The following LRRTM4 variants were observed in gnomAD, a reference collection of about 807,000 sequenced individuals.
LRRTM4 encodes leucine rich repeat transmembrane neuronal 4, also known as leucine-rich repeat transmembrane neuronal protein 4.
A neutral mutation model predicts 47.6 loss-of-function variants in LRRTM4; 25 were observed. That is an observed-to-expected ratio of 0.53 (90% confidence interval 0.38 to 0.73). The LOEUF (loss-of-function observed/expected upper bound fraction) is 0.73, where lower values mean the gene tolerates loss of function less well. Ranked by LOEUF, LRRTM4 falls within the 30% of genes least tolerant of loss-of-function variation. LRRTM4 has a pLI of 0.00. For synonymous variants in LRRTM4, 311 were observed against 269.5 expected, an observed-to-expected ratio of 1.15 and a Z score of -1.51; for missense variants, 638 against 713.4, an observed-to-expected ratio of 0.89 and a Z score of 1.20.
At chr2:77,245,055 AAACCACTAATT>A (rs1675394205) in intron 3 of LRRTM4, among the ~76,000 whole-genome samples, 1 of 152,176 alleles carries the variant, frequency 6.6e-6, no homozygotes, top group Non-Finnish European at 1.5e-5. Flanking sequence ...ATGGTTTTAT[AAACCACTAATT>A]TCTGGATTGT....
intron 3 of LRRTM4, among the ~76,000 whole-genome samples, chr2:76,827,837 C>A (rs1573176669): frequency 6.6e-6 from 1 of 151,796 alleles, no homozygotes; most frequent in African/African-American, 2.4e-5. Flanking sequence ...TTCTAGGGAA[C>A]TAGATGGTTA....
At chr2:76,948,101 C>A (rs748307513) in intron 3 of LRRTM4, among the ~76,000 whole-genome samples, 1 of 151,826 alleles carries the variant, frequency 6.6e-6, no homozygotes, top group Non-Finnish European at 1.5e-5. Context: ...CAAATAGTAT[C>A]GTATCTACGA....
intron 3 of LRRTM4, among the ~76,000 whole-genome samples, chr2:76,981,637 G>A (rs565401024): frequency 1.3e-5 from 2 of 151,968 alleles, no homozygotes; most frequent in Admixed American, 1.3e-4. Context: ...GAACTACAGG[G>A]GCATGCCACC....
At chr2:77,028,393 C>A (rs994573865) in intron 3 of LRRTM4, among the ~76,000 whole-genome samples, 6 of 152,248 alleles carry the variant, frequency 3.9e-5, no homozygotes, top group Middle Eastern at 3.4e-3. Flanking sequence ...TTGAGATGAA[C>A]TTTCTAACCT....
At chr2:76,983,024 TAA>T (rs903098438) in intron 3 of LRRTM4, among the ~76,000 whole-genome samples, 10 of 151,698 alleles carry the variant, frequency 6.6e-5, no homozygotes, top group African/African-American at 2.2e-4. Flanking sequence ...TCAAATTAAA[TAA>T]AGACACATAT....
chr2:77,471,002 T>A (rs1396163230), intron 3 of LRRTM4, among the ~76,000 whole-genome samples: 2 of 152,130 alleles, frequency 1.3e-5, no homozygotes, highest in Non-Finnish European at 2.9e-5. Context: ...GTCTTGGTTT[T>A]AAACATCCTC....
At chr2:76,808,826 T>TC (rs1670640746) in intron 3 of LRRTM4, among the ~76,000 whole-genome samples, 1 of 151,920 alleles carries the variant, frequency 6.6e-6, no homozygotes, top group African/African-American at 2.4e-5. Context: ...TGCTGAACTT[T>TC]TTTTTTCAGT....
intron 3 of LRRTM4, among the ~76,000 whole-genome samples, chr2:76,907,284 T>A (rs1365133638): frequency 8.6e-3 from 1 of 116 alleles, no homozygotes; most frequent in African/African-American, 0.029. Context: ...AAAGATGTTC[T>A]TTGAAACCAC....
intron 3 of LRRTM4, among the ~76,000 whole-genome samples, chr2:76,983,832 C>T (rs950258437): frequency 7.2e-5 from 11 of 151,944 alleles, no homozygotes; most frequent in African/African-American, 2.7e-4. Flanking sequence ...AATTCATTTG[C>T]CTTCACAATG....
chr2:76,857,356 C>T lies in LRRTM4; in HGVS notation c.1552-108440G>A, dbSNP rs562647615. Among the ~76,000 whole-genome samples, 6 of 148,028 alleles carry T rather than the reference C, an allele frequency of 4.1e-5. No individual in the cohort carries two copies. In the East Asian group the frequency reaches 5.9e-4, roughly 15 times the overall value. On this transcript the variant is annotated intron_variant, in intron 3 of 3. Transcript: ENST00000409884. ...CATATATATTTATTCCTTAGCAATA[C>T]ATGGCTTGTTTTGATATTCATATTT... is the stretch of plus-strand genomic sequence containing the variant.
chr2:76,934,718 T>G (rs539299319), intron 3 of LRRTM4, among the ~76,000 whole-genome samples: 1 of 152,162 alleles, frequency 6.6e-6, no homozygotes, highest in Non-Finnish European at 1.5e-5. Flanking sequence ...TCACCACTAC[T>G]CCCATTGGAA....
chr2:77,295,528 A>T (rs1347308186), intron 3 of LRRTM4, among the ~76,000 whole-genome samples: 1 of 152,164 alleles, frequency 6.6e-6, no homozygotes, highest in Non-Finnish European at 1.5e-5. Context: ...CCATCATTGC[A>T]TTAGTTTGCT....
At chr2:77,123,533 G>A (rs1421296233) in intron 3 of LRRTM4, among the ~76,000 whole-genome samples, 1 of 151,990 alleles carries the variant, frequency 6.6e-6, no homozygotes. Context: ...AAATAGCAAA[G>A]ATTCATAAAA....
At chr2:77,515,906 A>G (rs964551525) in intron 3 of LRRTM4, among the ~76,000 whole-genome samples, 2 of 151,846 alleles carry the variant, frequency 1.3e-5, no homozygotes, top group African/African-American at 4.8e-5. Context: ...CTCACCATTT[A>G]TATCTACCTA....
intron 3 of LRRTM4, among the ~76,000 whole-genome samples, chr2:77,280,757 A>T (rs984178784): frequency 1.3e-5 from 2 of 152,070 alleles, no homozygotes; most frequent in African/African-American, 4.8e-5. Flanking sequence ...CATGTAAAGC[A>T]TATGGCAGTG....
chr2:77,082,194 A>T (rs1437357319), intron 3 of LRRTM4, among the ~76,000 whole-genome samples: 1 of 152,056 alleles, frequency 6.6e-6, no homozygotes, highest in African/African-American at 2.4e-5. Flanking sequence ...TTCATGTAAA[A>T]TTCCAGGAGT....
rs71381264 is a variant in LRRTM4, at chr2:77,142,430, T to TACACAC, written c.1551+375882_1551+375887dup. ...GCTGCTGCTTGTTACCACACACACA[T>TACACAC]ACACACACACACACACACACACACA... On this transcript the variant is annotated intron_variant, in intron 3 of 3. Transcript: ENST00000409884. Among the ~76,000 whole-genome samples, 6 of 145,368 alleles carry TACACAC rather than the reference T, an allele frequency of 4.1e-5. No individual in the cohort carries two copies. The South Asian group carries it at 6.5e-4, about 16-fold the overall frequency.
At position 76,807,473 on chromosome 2, in the gene LRRTM4, T is replaced by TATAC. The variant is rs1558667698; in HGVS notation, c.1552-58558_1552-58557insGTAT. 1.9e-4 allele frequency among the ~76,000 whole-genome samples: 20 copies of TATAC among 106,620 alleles called. 1 individual carries two copies. The East Asian group carries it at 3.1e-3, about 16-fold the overall frequency. The allele number at this position is 106,620 out of a possible 152,430, so 69.9% of individuals were successfully genotyped here. On this transcript the variant is annotated intron_variant, in intron 3 of 3. Coordinates refer to ENST00000409884, the MANE Select transcript of LRRTM4 (RefSeq NM_001134745.3). ...ATATATATATACATATATATATACATATATATATATATACATATATATATA... is the reference window on the plus strand; with the variant it reads ...ATATATATATACATATATATATACATATACATATATATATATACATATATATATA...
intron 3 of LRRTM4, among the ~76,000 whole-genome samples, chr2:76,804,707 T>C (rs894117894): frequency 7.4e-5 from 11 of 148,020 alleles, no homozygotes; most frequent in African/African-American, 2.0e-4. Flanking sequence ...TATACATTGA[T>C]GTATATATAA....
Sources: allele counts gnomAD v4.1 joint callset (sites outside exome capture counted in the v4.1 genomes callset), GRCh38; gene constraint gnomAD v4.1.1; transcripts MANE v1.5; gene names NCBI Gene and HGNC (gene_info 2026-07-23, HGNC 2026-07-21).